TAF11L11: variants seen among roughly 807,000 people sequenced by gnomAD.
The protein encoded by TAF11L11 is TATA-box-binding protein-associated factor 11-like protein 11.
downstream of TAF11L11, among the ~76,000 whole-genome samples, chr5:17,605,555 A>G (rs183023337): frequency 1.3e-5 from 2 of 151,590 alleles, no homozygotes. Context: ...AGGTTGTTTC[A>G]TAGGAGCCTT....
exon 1 of TAF11L11, chr5:17,605,293 G>T (rs2126383041): frequency 2.5e-6 from 1 of 394,452 alleles, no homozygotes; most frequent in Non-Finnish European, 4.5e-6. Context: ...CCCCGCTGCA[G>T]CCCAAGCATT....
chr5:17,604,523 A>T (rs1397345896), exon 1 of TAF11L11: 1 of 215,534 alleles, frequency 4.6e-6, no homozygotes, highest in Non-Finnish European at 9.1e-6. Context: ...GTGAGAATTT[A>T]TTCTGCATTG....
exon 1 of TAF11L11, chr5:17,604,638 T>A (rs536673169): frequency 3.0e-6 from 1 of 336,886 alleles, no homozygotes; most frequent in African/African-American, 2.1e-5. Flanking sequence ...GGGGGCTGTG[T>A]CCAGTTATGG....
At chr5:17,604,791 G>A (rs544943982) in exon 1 of TAF11L11, 2 of 386,006 alleles carry the variant, frequency 5.2e-6, no homozygotes, top group South Asian at 2.6e-4. Flanking sequence ...ATGGAGACAG[G>A]CAGGCAAAGA....
exon 1 of TAF11L11, chr5:17,604,270 G>T (rs1372276672): frequency 1.3e-5 from 2 of 151,752 alleles, no homozygotes; most frequent in African/African-American, 2.4e-5. Context: ...TGTAGGAGCT[G>T]AGAGCATCCT....
rs774198784 is a variant in TAF11L11 at position 17,605,120 on chromosome 5, C to G, written c.340C>G (p.Arg114Gly). The G allele has an allele frequency of 1.0e-5, 4 of 395,196 alleles. No homozygotes were observed. The East Asian group carries it at 1.4e-4, about 14-fold the overall frequency. The allele number at this position is 395,196 out of a possible 1,614,324, so 24.5% of individuals were successfully genotyped here. Residue 114 changes from arginine to glycine, a missense_variant, in exon 1 of 1, where the codon CGG (arginine) becomes GGG (glycine). Physicochemically the swap from Arg to Gly is moderately radical, Grantham distance 125 (BLOSUM62 -2). Coordinates refer to ENST00000510838, the Ensembl canonical transcript of TAF11L11. ...GCTATCTCGCTACGAAGTGTGTCGC[C>G]GGTCAGCTTTCCCAAAAGCACGCAT...
At chr5:17,605,719 G>A (rs1739158036), downstream of TAF11L11, among the ~76,000 whole-genome samples, 1 of 151,466 alleles carries the variant, frequency 6.6e-6, no homozygotes. Flanking sequence ...ATGGTTTCCT[G>A]CTGAAGCCTG....
downstream of TAF11L11, chr5:17,605,495 G>A (rs74203018): frequency 3.1e-5 from 12 of 385,782 alleles, no homozygotes; most frequent in East Asian, 7.2e-5. Context: ...ATTTACCCAC[G>A]ATCTTAGTGT....
chr5:17,604,716 G>A lies in TAF11L11; in HGVS notation c.-65G>A, dbSNP rs1169512579. 8 of 370,608 alleles carry A rather than the reference G, an allele frequency of 2.2e-5. 1 individual carries two copies. The highest frequency in any genetic ancestry group is 1.1e-4 in the East Asian group (3 of 26,546). 23.0% of individuals were successfully genotyped at this position (370,608 alleles called of 1,614,324 possible). ...AGGTTCTCATTGCAGATCCATAATC[G>A]AACCACCCCAGCCAGAACTTCTGCC... On this transcript the variant is annotated 5_prime_UTR_variant, in exon 1 of 1. Coordinates refer to ENST00000510838, the Ensembl canonical transcript of TAF11L11.
At chr5:17,604,434 C>T (rs1396449810) in exon 1 of TAF11L11, 1 of 166,370 alleles carries the variant, frequency 6.0e-6, no homozygotes, top group East Asian at 1.7e-4. Flanking sequence ...CCTCATGTGA[C>T]TCTGAGCAGG....
rs1739136789 is a variant in TAF11L11, at chr5:17,604,988, A to C, written c.208A>C (p.Lys70Gln). Residue 70 changes from lysine (K) to glutamine (Q), a missense_variant, in exon 1 of 1, where the codon AAA becomes CAA. Physicochemically the swap from Lys to Gln is moderately conservative, Grantham distance 53. Transcript: ENST00000510838. ...GTCAGCCTCAACTCCTCCTTCAGCT[A>C]AAAGGCAGAAAACAGATACCAAGGG... is the stretch of plus-strand genomic sequence containing the variant. 5 of 393,318 alleles carry C rather than the reference A, an allele frequency of 1.3e-5. 1 individual carries two copies. The highest frequency in any genetic ancestry group is 1.3e-5 in the Non-Finnish European group (3 of 222,724). The allele number at this position is 393,318 out of a possible 1,614,324, so 24.4% of individuals were successfully genotyped here. A position where few individuals can be genotyped will look rare whatever the true frequency, so the allele number is the denominator to read the frequency against.
rs184944738 is a variant in TAF11L11, at chr5:17,604,800, G to C, written c.20G>C (p.Arg7Thr). ...TCACCCATGGAGACAGGCAGGCAAA[G>C]AGATGCCTCTGCTGAGATGTTCCCC... The change falls in exon 1 of 1, where the codon AGA (arginine) becomes ACA (threonine). Residue 7 changes from arginine (R) to threonine (T), a missense_variant. Physicochemically the swap from Arg to Thr is moderately conservative, Grantham distance 71 (BLOSUM62 -1). Transcript: ENST00000510838. The C allele has an allele frequency of 8.9e-4, 343 of 386,824 alleles. 8 individuals are homozygous for C. Among genetic ancestry groups the C allele is most frequent in the Non-Finnish European group, 1.3e-3 (277 of 218,578 alleles). The allele number at this position is 386,824 out of a possible 1,614,324, so 24.0% of individuals were successfully genotyped here.
exon 1 of TAF11L11, chr5:17,605,088 A>C (rs1383207132): frequency 7.6e-6 from 3 of 394,626 alleles, no homozygotes; most frequent in African/African-American, 6.2e-5. Flanking sequence ...GCCATGTCTG[A>C]GGAGCAGCTA....
chr5:17,605,386 A>T (rs78803451), downstream of TAF11L11: 2 of 393,264 alleles, frequency 5.1e-6, no homozygotes, highest in Non-Finnish European at 9.0e-6. Context: ...AGGCCTAAGG[A>T]CAGAGGGAAA....
Position 17,604,806 on chromosome 5 carries a change from C to T in TAF11L11, c.26C>T (p.Ala9Val), listed in dbSNP as rs188611521. The T allele has an allele frequency of 8.8e-4, 342 of 387,042 alleles. 7 individuals are homozygous for T. The highest frequency in any genetic ancestry group is 1.3e-3 in the Non-Finnish European group (275 of 218,758). 24.0% of individuals were successfully genotyped at this position (387,042 alleles called of 1,614,324 possible). ...ATGGAGACAGGCAGGCAAAGAGATG[C>T]CTCTGCTGAGATGTTCCCCATGCCC... The change falls in exon 1 of 1, where the codon GCC becomes GTC. Residue 9 changes from alanine to valine, a missense_variant. Coordinates refer to ENST00000510838, the Ensembl canonical transcript of TAF11L11.
chr5:17,605,203 C>G lies in TAF11L11; in HGVS notation c.423C>G (p.Ala141=), dbSNP rs1739142329. The G allele has an allele frequency of 1.0e-5, 4 of 395,640 alleles. No individual in the cohort carries two copies. In the Admixed American group the frequency reaches 1.8e-4, roughly 18 times the overall value. 24.5% of individuals were successfully genotyped at this position (395,640 alleles called of 1,614,324 possible). Residue 141 remains alanine, a synonymous_variant, in exon 1 of 1, where the codon GCC becomes GCG. Transcript: ENST00000510838. Reference sequence around the variant, plus strand: ...CGGTGTCTGAGAACACCGCCATTGCCATGGCTGGAATAGCCAAGGTCTTTG... The same window carrying G: ...CGGTGTCTGAGAACACCGCCATTGCGATGGCTGGAATAGCCAAGGTCTTTG...
the TAF11L11 span, chr5:17,605,325 T>G: frequency 2.5e-6 from 1 of 394,150 alleles, no homozygotes; most frequent in Admixed American, 4.5e-5. Context: ...GTTCGCAGGT[T>G]AAAGCCCAAG....
chr5:17,604,410 C>G (rs1263125015), exon 1 of TAF11L11: 4 of 162,706 alleles, frequency 2.5e-5, no homozygotes, highest in African/African-American at 9.6e-5. Context: ...ACAGCCAGAC[C>G]CATCCTGGAG....
exon 1 of TAF11L11, chr5:17,604,977 C>A (rs1739136310): frequency 2.5e-6 from 1 of 393,124 alleles, no homozygotes; most frequent in African/African-American, 2.1e-5. Flanking sequence ...GCCTCAACTC[C>A]TCCTTCAGCT....
Sources: allele counts gnomAD v4.1 joint callset (sites outside exome capture counted in the v4.1 genomes callset), GRCh38; gene constraint gnomAD v4.1.1; transcripts MANE v1.5; gene names NCBI Gene and HGNC (gene_info 2026-07-23, HGNC 2026-07-21).